Variants in GNA14 observed in about 807,000 individuals in gnomAD.
GNA14 encodes the protein G protein subunit alpha 14, also known as guanine nucleotide-binding protein subunit alpha-14.
Under a neutral mutation model 42.0 loss-of-function variants are expected in GNA14, and 50 were observed. That is an observed-to-expected ratio of 1.19 (90% CI 0.95 to 1.51). The LOEUF (loss-of-function observed/expected upper bound fraction) is 1.51, where lower values mean the gene tolerates loss of function less well. GNA14 is among the 40% of genes most tolerant of loss of function. GNA14 has a pLI of 0.00. For missense variants in GNA14, 473 were observed against 446.2 expected, an observed-to-expected ratio of 1.06 and a Z score of -0.54; for synonymous variants, 173 against 163.1, an observed-to-expected ratio of 1.06 and a Z score of -0.46.
rs750379315 is a variant in GNA14, at chr9:77,425,712, G to T, written c.727C>A (p.Arg243Ser). 5.0e-6 allele frequency: 8 copies of T among 1,588,212 alleles called. No homozygotes were observed. The highest frequency in any genetic ancestry group is 8.5e-7 in the Non-Finnish European group (1 of 1,169,900). Residue 243 changes from arginine (R) to serine (S), a missense_variant, in exon 6 of 7, where the codon CGC (arginine) becomes AGC (serine). Coordinates refer to ENST00000341700, the MANE Select transcript of GNA14 (RefSeq NM_004297.4). Reference sequence around the variant, plus strand: ...AATAAGGCTTTGCTCTCTTCCATGCGATTCTAAGTGAAAAACAAGGGACTT... The same window carrying T: ...AATAAGGCTTTGCTCTCTTCCATGCTATTCTAAGTGAAAAACAAGGGACTT... ...QVLAECDNEN[R>S]MEESKALFKT...
chr9:77,466,328 A>G (rs1186814136), intron 2 of GNA14, among the ~76,000 whole-genome samples: 1 of 152,008 alleles, frequency 6.6e-6, no homozygotes, highest in Admixed American at 6.5e-5. Context: ...AGAATGCATA[A>G]TCTCTCGTTA....
intron 1 of GNA14, among the ~76,000 whole-genome samples, chr9:77,606,567 C>T (rs1442419419): frequency 1.3e-5 from 2 of 152,194 alleles, no homozygotes; most frequent in African/African-American, 4.8e-5. Context: ...TGCTATGTCT[C>T]ATGCATACTG....
chr9:77,467,745 A>G (rs1372193611), intron 2 of GNA14, among the ~76,000 whole-genome samples: 2 of 149,824 alleles, frequency 1.3e-5, no homozygotes, highest in African/African-American at 4.9e-5. Flanking sequence ...TAGAACACCC[A>G]TGCCACTACA....
chr9:77,528,616 C>T (rs1001961034), intron 2 of GNA14, among the ~76,000 whole-genome samples: 2 of 152,088 alleles, frequency 1.3e-5, no homozygotes, highest in African/African-American at 4.8e-5. Flanking sequence ...GAAGGGTGAA[C>T]TCCCAGAACA....
rs534913777 is a variant in GNA14 at position 77,503,655 on chromosome 9, T to C, written c.309+25414A>G. ...AGAAATTTACATCAAATTTCAGGATTTTTTTTTTTTTTTTGAGACAGAGTC... is the reference window on the plus strand; with the variant it reads ...AGAAATTTACATCAAATTTCAGGATCTTTTTTTTTTTTTTGAGACAGAGTC... On this transcript the variant is annotated intron_variant, in intron 2 of 6. Coordinates refer to ENST00000341700, the MANE Select transcript of GNA14 (RefSeq NM_004297.4). Among the ~76,000 whole-genome samples the C allele has an allele frequency of 4.1e-5, 6 of 146,504 alleles. No individual in the cohort carries two copies. The South Asian group carries it at 1.1e-3, about 26-fold the overall frequency.
chr9:77,505,517 T>C (rs1039593516), intron 2 of GNA14, among the ~76,000 whole-genome samples: 4 of 152,224 alleles, frequency 2.6e-5, no homozygotes, highest in Non-Finnish European at 4.4e-5. Flanking sequence ...TGAGTCGTAA[T>C]TCATTTTTGT....
intron 2 of GNA14, among the ~76,000 whole-genome samples, chr9:77,478,988 T>C (rs895562392): frequency 7.2e-5 from 11 of 152,208 alleles, no homozygotes; most frequent in Non-Finnish European, 1.3e-4. Flanking sequence ...GCCTGTTCAC[T>C]CTGATGGTAG....
At chr9:77,557,813 C>T (rs568262791) in intron 1 of GNA14, among the ~76,000 whole-genome samples, 23 of 152,304 alleles carry the variant, frequency 1.5e-4, no homozygotes, top group African/African-American at 4.1e-4. Context: ...TCTCAAAAAA[C>T]GGGATCATTC....
chr9:77,472,466 AAAGGG>A (rs1836348539), intron 2 of GNA14, among the ~76,000 whole-genome samples: 1 of 152,220 alleles, frequency 6.6e-6, no homozygotes, highest in African/African-American at 2.4e-5. Context: ...ATCCAGAGAA[AAAGGG>A]AAGAATTAAA....
intron 1 of GNA14, among the ~76,000 whole-genome samples, chr9:77,615,144 A>G (rs956264916): frequency 1.3e-5 from 2 of 152,196 alleles, no homozygotes; most frequent in African/African-American, 4.8e-5. Context: ...AACAAATGTA[A>G]CAGCAGCACT....
intron 1 of GNA14, among the ~76,000 whole-genome samples, chr9:77,631,947 G>A (rs1824106151): frequency 6.6e-6 from 1 of 152,142 alleles, no homozygotes; most frequent in South Asian, 2.1e-4. Flanking sequence ...CCTGGGTGCT[G>A]CAGCAGCCGC....
chr9:77,497,077 A>G (rs1443534480), intron 2 of GNA14, among the ~76,000 whole-genome samples: 1 of 151,960 alleles, frequency 6.6e-6, no homozygotes, highest in Non-Finnish European at 1.5e-5. Flanking sequence ...TGTATCCTCT[A>G]CTTCTCACTC....
At chr9:77,621,088 C>G (rs965171239) in intron 1 of GNA14, among the ~76,000 whole-genome samples, 8 of 151,928 alleles carry the variant, frequency 5.3e-5, no homozygotes, top group African/African-American at 1.9e-4. Flanking sequence ...AGCATGCCAC[C>G]ATGTTCAGTC....
chr9:77,588,739 C>T (rs1823343990), intron 1 of GNA14, among the ~76,000 whole-genome samples: 1 of 152,170 alleles, frequency 6.6e-6, no homozygotes, highest in Non-Finnish European at 1.5e-5. Flanking sequence ...TACTGTCAAA[C>T]CTGAATCTGA....
chr9:77,646,597 G>A (rs1051293103), intron 1 of GNA14, among the ~76,000 whole-genome samples: 3 of 152,110 alleles, frequency 2.0e-5, no homozygotes, highest in Non-Finnish European at 4.4e-5. Flanking sequence ...TTTCTGGGAG[G>A]GTGATTCCTA....
At chr9:77,549,233 C>T (rs1352357315) in intron 1 of GNA14, among the ~76,000 whole-genome samples, 2 of 152,220 alleles carry the variant, frequency 1.3e-5, no homozygotes, top group Non-Finnish European at 2.9e-5. Flanking sequence ...CGTGCCCAGC[C>T]AAGAAAGTCT....
chr9:77,569,175 T>TG (rs937270585), intron 1 of GNA14, among the ~76,000 whole-genome samples: 10 of 151,534 alleles, frequency 6.6e-5, no homozygotes, highest in African/African-American at 1.7e-4. Flanking sequence ...TAAATGGGGT[T>TG]GGGAAAAAAA....
chr9:77,599,310 A>G (rs1823516222), intron 1 of GNA14, among the ~76,000 whole-genome samples: 1 of 152,226 alleles, frequency 6.6e-6, no homozygotes, highest in African/African-American at 2.4e-5. Flanking sequence ...TTATTAGGTC[A>G]TTCGGTAAAA....
At chr9:77,465,671 ATTTTT>A (rs11326483) in intron 2 of GNA14, among the ~76,000 whole-genome samples, 1 of 150,920 alleles carries the variant, frequency 6.6e-6, no homozygotes, top group Non-Finnish European at 1.5e-5. Context: ...TTGATATAGG[ATTTTT>A]TTTTTTGAGG....
Sources: allele counts gnomAD v4.1 joint callset (sites outside exome capture counted in the v4.1 genomes callset), GRCh38; gene constraint gnomAD v4.1.1; transcripts MANE v1.5; gene names NCBI Gene and HGNC (gene_info 2026-07-23, HGNC 2026-07-21).